Variants in IL7 observed in about 807,000 individuals in gnomAD.
The protein encoded by IL7 is interleukin 7, also known as interleukin-7.
A neutral mutation model predicts 21.6 loss-of-function variants in IL7; 3 were observed. That is an observed-to-expected ratio of 0.14 (90% confidence interval 0.06 to 0.36). The LOEUF (loss-of-function observed/expected upper bound fraction) is 0.36. Among genes scored for constraint, IL7 ranks in the 10% least tolerant of loss-of-function variants. IL7 has a pLI of 1.00. For missense variants in IL7, 175 were observed against 200.2 expected, an observed-to-expected ratio of 0.87 and a Z score of 0.76; for synonymous variants, 62 against 68.1, an observed-to-expected ratio of 0.91 and a Z score of 0.44.
intron 5 of IL7, among the ~76,000 whole-genome samples, chr8:78,719,949 C>T (rs1427646896): frequency 6.6e-6 from 1 of 151,688 alleles, no homozygotes; most frequent in Non-Finnish European, 1.5e-5. Context: ...GAAGTGTTTT[C>T]TGACATCAAA....
At chr8:78,714,506 C>G (rs1811038496), downstream of IL7, among the ~76,000 whole-genome samples, 1 of 152,106 alleles carries the variant, frequency 6.6e-6, no homozygotes, top group African/African-American at 2.4e-5. Context: ...CTCAGACTTG[C>G]TGTCACAAAG....
At chr8:78,698,557 C>A in intron 3 of IL7, 1 of 1,376,704 alleles carries the variant, frequency 7.3e-7, no homozygotes, top group South Asian at 1.3e-5. Flanking sequence ...TATAATTAAA[C>A]GATACTAAGG....
chr8:78,697,406 G>A, intron 3 of IL7: 2 of 1,588,342 alleles, frequency 1.3e-6, no homozygotes, highest in African/African-American at 1.4e-5. Flanking sequence ...CATTATTTTA[G>A]TATAAGCCAC....
intron 3 of IL7, among the ~76,000 whole-genome samples, chr8:78,701,140 C>T (rs1223289109): frequency 6.6e-6 from 1 of 152,080 alleles, no homozygotes; most frequent in Non-Finnish European, 1.5e-5. Flanking sequence ...AATATTTTTT[C>T]ATTTATTTGT....
At chr8:78,738,435 A>C in intron 4 of IL7, 69 bp downstream of exon 4, 11 of 1,276,188 alleles carry the variant, frequency 8.6e-6, no homozygotes, top group African/African-American at 1.5e-5. Flanking sequence ...TGTGATCATC[A>C]GAGAATAGTG....
chr8:78,729,196 C>G (rs1018065368), downstream of IL7, among the ~76,000 whole-genome samples: 2 of 151,856 alleles, frequency 1.3e-5, no homozygotes. Context: ...CCTAAAATAC[C>G]ACCTTTCTCC....
At chr8:78,757,524 T>C (rs767601712) in intron 2 of IL7, among the ~76,000 whole-genome samples, 4 of 152,076 alleles carry the variant, frequency 2.6e-5, no homozygotes, top group African/African-American at 4.8e-5. Context: ...AGTCTATCTC[T>C]CTCTTTAGCT....
chr8:78,675,282 ATAAC>A (rs1809544895), downstream of IL7, among the ~76,000 whole-genome samples: 1 of 151,896 alleles, frequency 6.6e-6, no homozygotes. Context: ...TGTAATTTGC[ATAAC>A]TAGGTGATCT....
At chr8:78,723,417 T>C (rs1811283942) in intron 3 of IL7, among the ~76,000 whole-genome samples, 1 of 152,022 alleles carries the variant, frequency 6.6e-6, no homozygotes, top group Non-Finnish European at 1.5e-5. Context: ...CCTCCGTTTG[T>C]ACTTAAGCTG....
At chr8:78,754,459 A>C (rs933155482) in intron 2 of IL7, among the ~76,000 whole-genome samples, 1 of 152,202 alleles carries the variant, frequency 6.6e-6, no homozygotes, top group Non-Finnish European at 1.5e-5. Context: ...AAATGGCCAT[A>C]CTGCCCAAAG....
intron 1 of IL7, among the ~76,000 whole-genome samples, chr8:78,800,871 T>C (rs74708464): frequency 6.6e-6 from 1 of 152,198 alleles, no homozygotes; most frequent in Admixed American, 6.5e-5. Context: ...ACTTTTACCA[T>C]TATCATAAAT....
At chr8:78,730,161 A>G (rs1002398415), downstream of IL7, among the ~76,000 whole-genome samples, 3 of 151,828 alleles carry the variant, frequency 2.0e-5, no homozygotes, top group Admixed American at 2.0e-4. Flanking sequence ...AGTAACAATG[A>G]CCTCTCCCCC....
At chr8:78,724,498 T>C (rs1811306882) in intron 3 of IL7, among the ~76,000 whole-genome samples, 1 of 149,848 alleles carries the variant, frequency 6.7e-6, no homozygotes, top group Non-Finnish European at 1.5e-5. Context: ...AAAATATATA[T>C]TTTTACTTAT....
At chr8:78,709,641 C>A (rs1480653842) in intron 3 of IL7, among the ~76,000 whole-genome samples, 1 of 151,644 alleles carries the variant, frequency 6.6e-6, no homozygotes, top group African/African-American at 2.4e-5. Flanking sequence ...AATCTTTTGG[C>A]TTCCCTGGGC....
At chr8:78,748,700 A>C (rs1434328753) in intron 2 of IL7, among the ~76,000 whole-genome samples, 1 of 152,212 alleles carries the variant, frequency 6.6e-6, no homozygotes, top group Non-Finnish European at 1.5e-5. Flanking sequence ...TCAGGAACAG[A>C]TGTCAAATAG....
intron 2 of IL7, among the ~76,000 whole-genome samples, chr8:78,753,690 G>A (rs1467711658): frequency 6.6e-6 from 1 of 152,032 alleles, no homozygotes; most frequent in Non-Finnish European, 1.5e-5. Context: ...TTTCTTCTAG[G>A]GTTTTTATGG....
intron 3 of IL7, among the ~76,000 whole-genome samples, chr8:78,690,928 C>T (rs62518980): frequency 6.6e-6 from 1 of 152,078 alleles, no homozygotes; most frequent in East Asian, 1.9e-4. Context: ...GTATATTAAT[C>T]TTATACCCTG....
chr8:78,690,380 G>A (rs1243255186), intron 3 of IL7, among the ~76,000 whole-genome samples: 1 of 152,220 alleles, frequency 6.6e-6, no homozygotes, highest in Admixed American at 6.5e-5. Context: ...CTAACACGGT[G>A]AAACCCCGTC....
intron 3 of IL7, among the ~76,000 whole-genome samples, chr8:78,693,759 G>T (rs1810300860): frequency 6.6e-6 from 1 of 152,114 alleles, no homozygotes; most frequent in Non-Finnish European, 1.5e-5. Context: ...TGTCAATTTT[G>T]GCTTTTGTTG....
Sources: gnomAD v4.1 joint callset for allele counts (sites outside exome capture counted in the v4.1 genomes callset) on GRCh38, gnomAD v4.1.1 for gene constraint, MANE v1.5 for transcripts, NCBI Gene and HGNC (gene_info 2026-07-23, HGNC 2026-07-21) for gene names.